GALNT2: variants seen among roughly 807,000 people sequenced by gnomAD.
GALNT2 encodes UDP-GalNAc:polypeptide N-acetylgalactosaminyltransferase 2.
A neutral mutation model predicts 81.4 loss-of-function variants in GALNT2; 31 were observed. That is an observed-to-expected ratio of 0.38 (90% confidence interval 0.29 to 0.51). The LOEUF is 0.51. Ranked by LOEUF, GALNT2 falls within the 20% of genes least tolerant of loss-of-function variation. The pLI, the probability that GALNT2 is intolerant of heterozygous loss-of-function variation, is 0.87. For missense variants in GALNT2, 629 were observed against 765.7 expected (o/e 0.82, Z 2.11); for synonymous variants, 303 against 287.4 (o/e 1.05, Z -0.55).
chr1:230,117,837 A>G (rs1012526511), intron 1 of GALNT2, among the ~76,000 whole-genome samples: 2 of 152,248 alleles, frequency 1.3e-5, no homozygotes, highest in African/African-American at 4.8e-5. Context: ...TGCTCGATGT[A>G]GGGTTGCCAC....
At chr1:230,191,869 A>T (rs761884029) in intron 2 of GALNT2, among the ~76,000 whole-genome samples, 1 of 152,264 alleles carries the variant, frequency 6.6e-6, no homozygotes, top group African/African-American at 2.4e-5. Context: ...CTCGCTGTCC[A>T]GTGAAACAGC....
At chr1:230,181,564 T>C (rs1046493324) in intron 2 of GALNT2, among the ~76,000 whole-genome samples, 3 of 152,152 alleles carry the variant, frequency 2.0e-5, no homozygotes, top group African/African-American at 7.2e-5. Flanking sequence ...TTTCCTTTTT[T>C]TTTTTTTAGA....
intron 6 of GALNT2, among the ~76,000 whole-genome samples, chr1:230,242,852 A>G (rs1265056399): frequency 2.0e-5 from 3 of 152,238 alleles, no homozygotes; most frequent in East Asian, 3.8e-4. Flanking sequence ...TTAGCTCCTG[A>G]TAAGTCTTAG....
intron 3 of GALNT2, among the ~76,000 whole-genome samples, chr1:230,226,709 G>A (rs531252235): frequency 5.3e-5 from 8 of 152,326 alleles, no homozygotes; most frequent in African/African-American, 1.7e-4. Flanking sequence ...GCCAGTCATC[G>A]CACCCGCGGA....
chr1:230,130,788 A>C (rs1307899316), intron 1 of GALNT2, among the ~76,000 whole-genome samples: 3 of 152,214 alleles, frequency 2.0e-5, no homozygotes, highest in Non-Finnish European at 4.4e-5. Flanking sequence ...ACCATGGCTA[A>C]ACCACTTTAA....
chr1:230,241,476 C>G (rs566426164), intron 6 of GALNT2, among the ~76,000 whole-genome samples: 1 of 151,012 alleles, frequency 6.6e-6, no homozygotes, highest in South Asian at 2.1e-4. Context: ...GACAGCGTTT[C>G]TCTCTTGTTG....
intron 1 of GALNT2, among the ~76,000 whole-genome samples, chr1:230,094,913 T>G (rs1660206578): frequency 6.6e-6 from 1 of 152,148 alleles, no homozygotes; most frequent in Non-Finnish European, 1.5e-5. Flanking sequence ...TTCCCTGTGT[T>G]AGATGTGCCG....
Position 230,275,830 on chromosome 1 carries a change from T to C in GALNT2, c.1560+1266T>C, listed in dbSNP as rs181606283. 2.7e-3 allele frequency among the ~76,000 whole-genome samples: 411 copies of C among 151,044 alleles called. 3 individuals carry two copies. Among genetic ancestry groups the C allele is most frequent in the African/African-American group, 9.6e-3 (393 of 41,136 alleles). On this transcript the variant is annotated intron_variant, in intron 15 of 15. Transcript: ENST00000366672. The surrounding 1 kb of genome is among the most constrained non-coding windows in gnomAD (Gnocchi z 5.5). ...TATATACAAATATACATGCCACATA[T>C]ATACATGTATATACATGCCACATAG...
chr1:230,228,388 G>A (rs143883143), intron 3 of GALNT2, among the ~76,000 whole-genome samples: 11 of 152,032 alleles, frequency 7.2e-5, no homozygotes, highest in African/African-American at 2.2e-4. Context: ...TTACTGCTGA[G>A]CCACATTCAT....
chr1:230,059,035 T>C (rs765626127), intron 1 of GALNT2, among the ~76,000 whole-genome samples: 1 of 152,260 alleles, frequency 6.6e-6, no homozygotes, highest in South Asian at 2.1e-4. Context: ...TAATATTTTG[T>C]TCCTTTTAAG....
chr1:230,059,869 G>A (rs572776128), intron 1 of GALNT2, among the ~76,000 whole-genome samples: 1 of 152,122 alleles, frequency 6.6e-6, no homozygotes, highest in Admixed American at 6.5e-5. Flanking sequence ...TGATACTTTA[G>A]TTTATATTTC....
At chr1:230,274,636 G>A (rs993295764) in intron 15 of GALNT2, 72 bp downstream of exon 15, 7 of 1,577,550 alleles carry the variant, frequency 4.4e-6, no homozygotes, top group East Asian at 2.2e-5. Flanking sequence ...GCGCCCTCTT[G>A]CTCTGTGCTG....
At chr1:230,064,731 T>C (rs749027680), upstream of GALNT2, among the ~76,000 whole-genome samples, 1 of 152,134 alleles carries the variant, frequency 6.6e-6, no homozygotes, top group Non-Finnish European at 1.5e-5. Context: ...AGGCTGGTCT[T>C]GAACTCCTGA....
At chr1:230,262,344 G>T in intron 11 of GALNT2, 1 of 496,214 alleles carries the variant, frequency 2.0e-6, no homozygotes, top group Non-Finnish European at 3.5e-6. Context: ...TGTGTGACAA[G>T]AAAGCCATTC....
chr1:230,154,282 A>G (rs1248478355), intron 1 of GALNT2, among the ~76,000 whole-genome samples: 1 of 152,238 alleles, frequency 6.6e-6, no homozygotes, highest in Non-Finnish European at 1.5e-5. Flanking sequence ...CGTGGGCCAC[A>G]TTCTTACTAG....
intron 11 of GALNT2, among the ~76,000 whole-genome samples, chr1:230,260,295 T>G (rs1381276635): frequency 6.6e-6 from 1 of 152,180 alleles, no homozygotes; most frequent in African/African-American, 2.4e-5. Flanking sequence ...TCTGCAGCAC[T>G]GAGACTGTTT....
intron 1 of GALNT2, among the ~76,000 whole-genome samples, chr1:230,059,721 A>G (rs1415141719): frequency 2.6e-5 from 4 of 152,228 alleles, no homozygotes; most frequent in African/African-American, 9.6e-5. Flanking sequence ...TTGCAAAAAT[A>G]GTGCAGAGAA....
In GALNT2 at chr1:230,275,027, C is replaced by CCACATATATACATATATACAT. The variant is rs1558173807; in HGVS notation, c.1560+463_1560+464insCACATATATACATATATACAT. ...CATGCCACATATATACATATATACA[C>CCACATATATACATATATACAT]GCCACATATATACACATATATACAT... On this transcript the variant is annotated intron_variant, in intron 15 of 15. Transcript: ENST00000366672. The surrounding 1 kb of genome is among the most constrained non-coding windows in gnomAD (Gnocchi z 5.5). Among the ~76,000 whole-genome samples, 2 of 150,444 alleles carry CCACATATATACATATATACAT rather than the reference C, an allele frequency of 1.3e-5. No individual in the cohort carries two copies. The highest frequency in any genetic ancestry group is 3.0e-5 in the Non-Finnish European group (2 of 67,788).
intron 1 of GALNT2, among the ~76,000 whole-genome samples, chr1:230,139,740 T>G (rs1165462982): frequency 6.6e-6 from 1 of 152,232 alleles, no homozygotes; most frequent in Non-Finnish European, 1.5e-5. Context: ...TTGCATGGAC[T>G]AAGGGGTAAG....
Sources: allele counts gnomAD v4.1 joint callset (sites outside exome capture counted in the v4.1 genomes callset), GRCh38; gene constraint gnomAD v4.1.1; non-coding constraint Gnocchi (gnomAD v3.1); transcripts MANE v1.5; gene names NCBI Gene and HGNC (gene_info 2026-07-23, HGNC 2026-07-21).